The following ACAP2 variants were observed in gnomAD, a reference collection of about 807,000 sequenced individuals.
ACAP2 encodes the protein ArfGAP with coiled-coil, ankyrin repeat and PH domains 2.
A neutral mutation model predicts 115.8 loss-of-function variants in ACAP2; 39 were observed. That is an observed-to-expected ratio of 0.34 (90% confidence interval 0.26 to 0.44). The LOEUF (loss-of-function observed/expected upper bound fraction) is 0.44, where lower values mean the gene tolerates loss of function less well. Ranked by LOEUF, ACAP2 falls within the 20% of genes least tolerant of loss-of-function variation. The probability of loss-of-function intolerance (pLI) is 1.00; values close to 1 mark genes in which losing one functional copy is unlikely to be tolerated. For synonymous variants in ACAP2, 289 were observed against 315.8 expected (o/e 0.92, Z 0.90); for missense variants, 662 against 927.6 (o/e 0.71, Z 3.72).
intron 1 of ACAP2, among the ~76,000 whole-genome samples, chr3:195,441,037 T>C (rs993127027): frequency 1.3e-5 from 2 of 152,186 alleles, no homozygotes; most frequent in Non-Finnish European, 2.9e-5. Context: ...TTATTTTATA[T>C]TCAATGATTT....
intron 10 of ACAP2, among the ~76,000 whole-genome samples, chr3:195,314,748 G>A (rs1225303849): frequency 6.6e-6 from 1 of 152,102 alleles, no homozygotes; most frequent in Non-Finnish European, 1.5e-5. Flanking sequence ...CTTCATATTT[G>A]AATCACTGGA....
At chr3:195,437,154 C>T (rs905353966) in intron 1 of ACAP2, among the ~76,000 whole-genome samples, 1 of 152,154 alleles carries the variant, frequency 6.6e-6, no homozygotes, top group Non-Finnish European at 1.5e-5. Context: ...CATCACAATC[C>T]TCCTGCCTCA....
rs77895061 is a variant in ACAP2, at chr3:195,373,101, T to C, written c.285+7908A>G. Among the ~76,000 whole-genome samples, 1,073 of 151,878 alleles carry C rather than the reference T, an allele frequency of 7.1e-3. 16 individuals are homozygous for C. Among genetic ancestry groups the C allele is most frequent in the African/African-American group, 0.025 (1,038 of 41,410 alleles). ...ACTGTAATTTTGCATACTGATAGTG[T>C]AGCTAACAATGACTACAAGATGTAA... On this transcript the variant is annotated intron_variant, in intron 4 of 22. Coordinates refer to ENST00000326793, the MANE Select transcript of ACAP2 (RefSeq NM_012287.6).
chr3:195,367,653 T>C (rs551045706), intron 4 of ACAP2, among the ~76,000 whole-genome samples: 4 of 152,314 alleles, frequency 2.6e-5, no homozygotes, highest in African/African-American at 7.2e-5. Flanking sequence ...CGATGTGACT[T>C]GTAGGCCCAG....
chr3:195,313,398 C>T (rs1362053020), intron 10 of ACAP2, among the ~76,000 whole-genome samples: 1 of 152,104 alleles, frequency 6.6e-6, no homozygotes, highest in Non-Finnish European at 1.5e-5. Flanking sequence ...GTAGGAATTG[C>T]CTGTATAAAC....
At chr3:195,380,235 A>G (rs1228349414) in intron 4 of ACAP2, among the ~76,000 whole-genome samples, 1 of 152,206 alleles carries the variant, frequency 6.6e-6, no homozygotes, top group Non-Finnish European at 1.5e-5. Context: ...TAAAATAAAC[A>G]TTGTCATATT....
intron 15 of ACAP2, 45 bp from the exon 16 acceptor site, chr3:195,297,326 C>A: frequency 2.0e-6 from 3 of 1,528,258 alleles, no homozygotes; most frequent in Non-Finnish European, 2.7e-6. Context: ...ACATTAAAGA[C>A]CTTAAAATAA....
chr3:195,354,273 C>G (rs1731804740), intron 4 of ACAP2, among the ~76,000 whole-genome samples: 1 of 152,170 alleles, frequency 6.6e-6, no homozygotes, highest in Admixed American at 6.5e-5. Flanking sequence ...GATTCCACGT[C>G]TTTGCTGTTG....
intron 10 of ACAP2, among the ~76,000 whole-genome samples, chr3:195,316,181 C>G (rs1729077343): frequency 6.6e-6 from 1 of 151,030 alleles, no homozygotes; most frequent in African/African-American, 2.4e-5. Flanking sequence ...TAAAGACTCA[C>G]CAGTCAAGCT....
At chr3:195,343,368 C>T (rs1730996338) in intron 5 of ACAP2, among the ~76,000 whole-genome samples, 1 of 152,058 alleles carries the variant, frequency 6.6e-6, no homozygotes, top group African/African-American at 2.4e-5. Flanking sequence ...ATTCTTTAGC[C>T]CTCGAGAAAA....
intron 2 of ACAP2, among the ~76,000 whole-genome samples, chr3:195,390,443 G>T (rs1734593528): frequency 1.3e-5 from 2 of 152,022 alleles, no homozygotes; most frequent in African/African-American, 4.8e-5. Context: ...CTAAAATTTT[G>T]ATGTAATTTG....
intron 10 of ACAP2, among the ~76,000 whole-genome samples, chr3:195,315,036 G>T (rs993377002): frequency 6.6e-6 from 1 of 152,196 alleles, no homozygotes; most frequent in Admixed American, 6.5e-5. Flanking sequence ...TTGGCTGATT[G>T]AGACAGGGTC....
chr3:195,334,347 A>C (rs1577317130), intron 7 of ACAP2, among the ~76,000 whole-genome samples: 1 of 152,134 alleles, frequency 6.6e-6, no homozygotes, highest in East Asian at 1.9e-4. Flanking sequence ...AAATTATTTT[A>C]AAAATTGATT....
intron 8 of ACAP2, 126 bp downstream of exon 8, chr3:195,332,902 C>T: frequency 3.4e-6 from 2 of 594,994 alleles, no homozygotes; most frequent in South Asian, 4.3e-5. Flanking sequence ...TTCTAGATTA[C>T]CCAGTCTCAG....
intron 10 of ACAP2, among the ~76,000 whole-genome samples, chr3:195,310,896 G>C (rs566160115): frequency 6.6e-6 from 1 of 151,920 alleles, no homozygotes; most frequent in Non-Finnish European, 1.5e-5. Flanking sequence ...TATATCCTAG[G>C]TAGAAAACAT....
intron 1 of ACAP2, among the ~76,000 whole-genome samples, chr3:195,405,987 AC>A (rs1399155798): frequency 6.6e-6 from 1 of 152,016 alleles, no homozygotes; most frequent in Non-Finnish European, 1.5e-5. Flanking sequence ...TGATCCAATC[AC>A]CCCCACACCA....
At chr3:195,290,226 G>A (rs367702898) in intron 20 of ACAP2, among the ~76,000 whole-genome samples, 55 of 151,944 alleles carry the variant, frequency 3.6e-4, no homozygotes, top group African/African-American at 1.3e-3. Context: ...AAAATTAGCC[G>A]GGAGTGGCAG....
intron 6 of ACAP2, among the ~76,000 whole-genome samples, chr3:195,338,209 G>T (rs537832984): frequency 6.6e-6 from 1 of 152,114 alleles, no homozygotes; most frequent in African/African-American, 2.4e-5. Flanking sequence ...GTAAATTCTA[G>T]TGAGACCAGG....
chr3:195,279,356 C>T lies in ACAP2; in HGVS notation c.2309G>A (p.Arg770His), dbSNP rs147239672. The T allele has an allele frequency of 1.5e-5, 24 of 1,603,654 alleles. No individual in the cohort carries two copies. Among genetic ancestry groups the T allele is most frequent in the Non-Finnish European group, 1.9e-5 (22 of 1,176,956 alleles). Residue 770 changes from arginine to histidine, a missense_variant, in exon 23 of 23, where the codon CGT becomes CAT. This residue lies in a region of ACAP2 where 128 missense variants were observed against 200.2 expected (regional missense o/e 0.64). Coordinates refer to ENST00000326793, the MANE Select transcript of ACAP2 (RefSeq NM_012287.6). ...GAATTTCTGTGAATCTTGCTGGAAA[C>T]GATTTAGTTTCTCTGGATTATTGGA... ...MASNNPEKLN[R>H]FQQDSQKF
Sources: allele counts gnomAD v4.1 joint callset (sites outside exome capture counted in the v4.1 genomes callset), GRCh38; gene constraint gnomAD v4.1.1; regional missense constraint gnomAD v4.1.1; transcripts MANE v1.5; gene names NCBI Gene and HGNC (gene_info 2026-07-23, HGNC 2026-07-21).